CHN1: variants seen among roughly 807,000 people sequenced by gnomAD.
CHN1 encodes the protein N-chimaerin.
CHN1 carries 37 observed loss-of-function variants against 59.5 expected under a neutral mutation model. The observed-to-expected ratio is 0.62, with a 90% CI of 0.48 to 0.82. The LOEUF (loss-of-function observed/expected upper bound fraction) is 0.82, where lower values mean the gene tolerates loss of function less well. Among genes scored for constraint, CHN1 ranks in the 40% least tolerant of loss-of-function variants. CHN1 has a pLI of 0.00. For synonymous variants in CHN1, 206 were observed against 200.4 expected, an observed-to-expected ratio of 1.03 and a Z score of -0.24; for missense variants, 469 against 571.0, an observed-to-expected ratio of 0.82 and a Z score of 1.82.
In CHN1 at chr2:174,856,986, T is replaced by C. The variant is rs1686919730; in HGVS notation, c.550-10029A>G. 1.3e-5 allele frequency among the ~76,000 whole-genome samples: 2 copies of C among 152,076 alleles called. 1 individual carries two copies. Among genetic ancestry groups the C allele is most frequent in the Admixed American group, 1.3e-4 (2 of 15,266 alleles). The stretch of plus-strand genomic sequence containing the variant: ...CTATTCCTTAAGCGGAGACAAAAAA[T>C]ACCAAGCTCATGAAACTCATAGGTA... On this transcript the variant is annotated intron_variant, in intron 6 of 12. Coordinates refer to ENST00000409900, the MANE Select transcript of CHN1 (RefSeq NM_001822.7).
At chr2:174,952,595 C>G (rs952378804) in intron 1 of CHN1, among the ~76,000 whole-genome samples, 3 of 152,164 alleles carry the variant, frequency 2.0e-5, no homozygotes, top group Non-Finnish European at 2.9e-5. Flanking sequence ...CCAGATTAAT[C>G]ATTTTAATCA....
intron 6 of CHN1, among the ~76,000 whole-genome samples, chr2:174,850,120 G>C (rs530125018): frequency 5.9e-5 from 9 of 152,178 alleles, no homozygotes; most frequent in Non-Finnish European, 1.3e-4. Flanking sequence ...TGATGGCTTT[G>C]ATAATCTGCA....
intron 7 of CHN1, chr2:174,846,400 T>G: frequency 6.5e-7 from 1 of 1,545,824 alleles, no homozygotes. Flanking sequence ...CCTCCTTTCA[T>G]CATGGTCAAT....
Position 174,811,602 on chromosome 2 carries a change from CTAGT to C in CHN1, c.887-18_887-15del. 6.5e-7 allele frequency: 1 copy of C among 1,548,696 alleles called. No individual in the cohort carries two copies. The highest frequency in any genetic ancestry group is 8.8e-7 in the Non-Finnish European group (1 of 1,130,666). Reference sequence around the variant, plus strand: ...CAGAATTAAGACCTGAAAAATAAAACTAGTTAGTTTCTTTGAATTATGCCTTTTC... The same window carrying C: ...CAGAATTAAGACCTGAAAAATAAAACTAGTTTCTTTGAATTATGCCTTTTC... On this transcript the variant is annotated splice_polypyrimidine_tract_variant and intron_variant, in intron 9 of 12. Coordinates refer to ENST00000409900, the MANE Select transcript of CHN1 (RefSeq NM_001822.7).
chr2:174,873,079 C>T (rs1021663919), intron 6 of CHN1, among the ~76,000 whole-genome samples: 1 of 151,290 alleles, frequency 6.6e-6, no homozygotes, highest in Non-Finnish European at 1.5e-5. Flanking sequence ...AGGATAAACA[C>T]ACTATGAGAA....
At chr2:174,873,218 G>T (rs940006429) in intron 6 of CHN1, among the ~76,000 whole-genome samples, 3 of 152,086 alleles carry the variant, frequency 2.0e-5, no homozygotes, top group Admixed American at 2.0e-4. Flanking sequence ...TCTTAACCTT[G>T]AACAAGCCAC....
chr2:174,927,472 A>G (rs185248075), intron 3 of CHN1, among the ~76,000 whole-genome samples: 71 of 152,376 alleles, frequency 4.7e-4, no homozygotes, highest in Non-Finnish European at 7.3e-5. Flanking sequence ...TTTTTAATGT[A>G]GAAGTATTTT....
intron 8 of CHN1, among the ~76,000 whole-genome samples, chr2:174,817,888 T>C (rs909348494): frequency 4.8e-4 from 73 of 152,106 alleles, no homozygotes; most frequent in Non-Finnish European, 6.5e-4. Context: ...CCTCCCGCCT[T>C]GGCCTCCCAA....
intron 6 of CHN1, among the ~76,000 whole-genome samples, chr2:174,853,797 T>G (rs780563264): frequency 2.6e-5 from 4 of 152,236 alleles, no homozygotes; most frequent in Non-Finnish European, 4.4e-5. Context: ...TGCAGCAACA[T>G]GGACAGAGCT....
At chr2:174,931,474 A>T (rs530300326) in intron 3 of CHN1, among the ~76,000 whole-genome samples, 27 of 152,308 alleles carry the variant, frequency 1.8e-4, no homozygotes, top group Admixed American at 5.2e-4. Context: ...TAAAACAAGA[A>T]CATTGTACCT....
At chr2:174,892,136 C>T (rs1688071843) in intron 5 of CHN1, among the ~76,000 whole-genome samples, 1 of 152,120 alleles carries the variant, frequency 6.6e-6, no homozygotes, top group African/African-American at 2.4e-5. Context: ...AGGACAGGAC[C>T]AGATGGCTTC....
chr2:174,983,240 T>C (rs1277491148), intron 1 of CHN1, among the ~76,000 whole-genome samples: 1 of 152,232 alleles, frequency 6.6e-6, no homozygotes, highest in Non-Finnish European at 1.5e-5. Context: ...TTTACTTAAA[T>C]ACACTTATGC....
intron 3 of CHN1, among the ~76,000 whole-genome samples, chr2:174,936,364 A>G (rs926238850): frequency 3.9e-5 from 6 of 152,232 alleles, no homozygotes; most frequent in Admixed American, 1.3e-4. Context: ...CACTGTATTA[A>G]TATCAGTGAA....
intron 6 of CHN1, among the ~76,000 whole-genome samples, chr2:174,874,679 T>C (rs1368416562): frequency 1.3e-5 from 2 of 152,094 alleles, no homozygotes; most frequent in East Asian, 1.9e-4. Flanking sequence ...AGAAAGACCT[T>C]AGGAAATTAT....
intron 3 of CHN1, among the ~76,000 whole-genome samples, chr2:174,940,803 GGTGGT>G (rs1689636282): frequency 6.6e-6 from 1 of 152,032 alleles, no homozygotes; most frequent in Non-Finnish European, 1.5e-5. Context: ...ACAAATAATT[GGTGGT>G]GTCATACCTT....
In CHN1 at chr2:174,801,794, T is replaced by A. The variant is rs1356504708; in HGVS notation, c.1121A>T (p.Glu374Val). ...IESAKIMDPD[E>V]QLETLHEALK... The stretch of plus-strand genomic sequence containing the variant: ...TGCTTCATGAAGGGTTTCCAATTGC[T>A]CATCCGGATCCATAATTTCTAAAAT... Residue 374 changes from glutamate to valine, a missense_variant, in exon 12 of 13, where the codon GAG becomes GTG. Physicochemically the swap from Glu to Val is moderately radical, Grantham distance 121. Coordinates refer to ENST00000409900, the MANE Select transcript of CHN1 (RefSeq NM_001822.7). 8 of 1,612,814 alleles carry A rather than the reference T, an allele frequency of 5.0e-6. No individual in the cohort carries two copies. Among genetic ancestry groups the A allele is most frequent in the Non-Finnish European group, 6.8e-6 (8 of 1,179,006 alleles).
chr2:174,845,971 T>C (rs558800771), intron 7 of CHN1, among the ~76,000 whole-genome samples: 13 of 152,328 alleles, frequency 8.5e-5, no homozygotes, highest in South Asian at 6.2e-4. Context: ...TGAAACCAAA[T>C]TATTCCCTTT....
intron 9 of CHN1, 68 bp downstream of exon 9, chr2:174,812,241 C>A: frequency 1.4e-6 from 2 of 1,384,076 alleles, no homozygotes; most frequent in South Asian, 1.7e-5. Flanking sequence ...ATGAGGTACC[C>A]AAAAGGCATC....
intron 1 of CHN1, among the ~76,000 whole-genome samples, chr2:174,964,021 G>A (rs1268479416): frequency 6.6e-6 from 1 of 152,164 alleles, no homozygotes; most frequent in Non-Finnish European, 1.5e-5. Flanking sequence ...CGTATGTACA[G>A]TACAACCTTG....
Sources: gnomAD v4.1 joint callset for allele counts (sites outside exome capture counted in the v4.1 genomes callset) on GRCh38, gnomAD v4.1.1 for gene constraint, MANE v1.5 for transcripts, NCBI Gene and HGNC (gene_info 2026-07-23, HGNC 2026-07-21) for gene names.